OXTR: variants seen among roughly 807,000 people sequenced by gnomAD.
The protein encoded by OXTR is oxytocin receptor.
A neutral mutation model predicts 23.9 loss-of-function variants in OXTR; 19 were observed. The ratio of observed to expected loss-of-function variants is 0.80; its 90% confidence interval spans 0.56 to 1.17. The LOEUF (loss-of-function observed/expected upper bound fraction) is 1.17. Among genes scored for constraint, OXTR ranks in the 50% most tolerant of loss-of-function variants. The pLI, the probability that OXTR is intolerant of heterozygous loss-of-function variation, is 0.00. For synonymous variants in OXTR, 278 were observed against 250.5 expected, an observed-to-expected ratio of 1.11 and a Z score of -1.04; for missense variants, 500 against 550.7, an observed-to-expected ratio of 0.91 and a Z score of 0.92.
chr3:8,742,877 G>C, the OXTR span, among the ~76,000 whole-genome samples: 217 of 152,312 alleles, frequency 1.4e-3, no homozygotes, highest in African/African-American at 5.0e-3. Flanking sequence ...GAATACCTGA[G>C]ACTGGGTAAT....
chr3:8,753,284 C>T lies in OXTR; in HGVS notation c.923-60G>A, dbSNP rs977128947. 3 of 1,569,884 alleles carry T rather than the reference C, an allele frequency of 1.9e-6. No individual in the cohort carries two copies. In the African/African-American group the frequency reaches 4.1e-5, roughly 21 times the overall value. On this transcript the variant is annotated intron_variant, in intron 3 of 3. Transcript: ENST00000316793. ...GCATTAATTAACACTGGAGCCACTT[C>T]CAGACCTATCTGACTTAAACATCAT... is the stretch of plus-strand genomic sequence containing the variant.
chr3:8,757,030 C>A (rs530540119), intron 3 of OXTR, among the ~76,000 whole-genome samples: 1 of 152,302 alleles, frequency 6.6e-6, no homozygotes, highest in African/African-American at 2.4e-5. Flanking sequence ...CACAGAAACA[C>A]TGGCTGAGAG....
the OXTR span, among the ~76,000 whole-genome samples, chr3:8,743,439 C>T: frequency 6.6e-6 from 1 of 152,164 alleles, no homozygotes; most frequent in Non-Finnish European, 1.5e-5. Flanking sequence ...GAAGAAGTAA[C>T]ATCCTTCCTG....
rs201415673 is a variant in OXTR at position 8,753,207 on chromosome 3, C to T, written c.940G>A (p.Val314Ile). 2.2e-5 allele frequency: 35 copies of T among 1,613,776 alleles called. No individual in the cohort carries two copies. Among genetic ancestry groups the T allele is most frequent in the South Asian group, 3.3e-5 (3 of 91,070 alleles). The part of the protein sequence containing the change: ...APKEASAFII[V>I]MLLASLNSCC... ...CTGTTGAGGCTGGCCAGGAGCATGA[C>T]GATGATGAAGGCCGAGGCTGAGGGG... Residue 314 changes from valine to isoleucine, a missense_variant, in exon 4 of 4, where the codon GTC (valine) becomes ATC (isoleucine). By Grantham distance (29) the Val-to-Ile change is conservative. Transcript: ENST00000316793.
downstream of OXTR, chr3:8,745,900 G>C (rs1303315199): frequency 6.3e-7 from 1 of 1,580,964 alleles, no homozygotes; most frequent in Admixed American, 1.7e-5. This position sits in a 1 kb window ranked among gnomAD's most constrained non-coding sequence, Gnocchi z 4.8. Flanking sequence ...GGCAGGGCAG[G>C]GGGTGGTGGG....
the OXTR span, among the ~76,000 whole-genome samples, chr3:8,743,568 T>C: frequency 6.6e-6 from 1 of 152,110 alleles, no homozygotes; most frequent in Admixed American, 6.5e-5. Context: ...ACAAGGAAGG[T>C]CCTGGGAGGT....
downstream of OXTR, chr3:8,745,898 A>C (rs767886513): frequency 1.9e-6 from 3 of 1,556,624 alleles, no homozygotes; most frequent in East Asian, 6.8e-5. The surrounding 1 kb of genome is among the most constrained non-coding windows in gnomAD (Gnocchi z 4.8). Context: ...GTGGCAGGGC[A>C]GGGGGTGGTG....
chr3:8,747,491 G>A (rs1401509067), downstream of OXTR, among the ~76,000 whole-genome samples: 1 of 151,966 alleles, frequency 6.6e-6, no homozygotes, highest in East Asian at 1.9e-4. Flanking sequence ...TCATCTTTAC[G>A]CATGTTTAAA....
Position 8,767,388 on chromosome 3 carries a change from G to C in OXTR, c.800C>G (p.Ser267Cys). ...CTTGACCGTGCGGATCTTGGCCTTG[G>C]AGATGAGCTTGACGCTGCTGACACG... is the stretch of plus-strand genomic sequence containing the variant. ...LARVSSVKLI[S>C]KAKIRTVKMT... The change falls in exon 3 of 4, where the codon TCC (serine) becomes TGC (cysteine). Residue 267 changes from serine (S) to cysteine (C), a missense_variant. By Grantham distance (112) the Ser-to-Cys change is moderately radical (BLOSUM62 -1). Transcript: ENST00000316793. 6.2e-7 allele frequency: 1 copy of C among 1,612,726 alleles called. No individual in the cohort carries two copies. Among genetic ancestry groups the C allele is most frequent in the East Asian group, 2.2e-5 (1 of 44,808 alleles).
chr3:8,742,345 GGCTTCT>G, the OXTR span: 2 of 289,314 alleles, frequency 6.9e-6, no homozygotes, highest in Middle Eastern at 4.9e-4. Flanking sequence ...TAGCACCAAT[GGCTTCT>G]GCAAACACCA....
the OXTR span, among the ~76,000 whole-genome samples, chr3:8,743,426 C>T: frequency 6.6e-6 from 1 of 152,114 alleles, no homozygotes; most frequent in Non-Finnish European, 1.5e-5. Flanking sequence ...GGAAGCCCTC[C>T]AAGAAGAAGT....
Position 8,752,780 on chromosome 3 carries a change from G to C in OXTR, c.*197C>G, listed in dbSNP as rs199516300. 1 of 602,102 alleles carries C rather than the reference G, an allele frequency of 1.7e-6. No homozygotes were observed. The highest frequency in any genetic ancestry group is 1.9e-5 in the African/African-American group (1 of 53,892). 37.3% of individuals were successfully genotyped at this position (602,102 alleles called of 1,614,324 possible). ...GTAGAAGTACGTGTAGGAGGCCAGGGTGTTGTCTGATGGCTGAGTCCCCTA... is the reference window on the plus strand; with the variant it reads ...GTAGAAGTACGTGTAGGAGGCCAGGCTGTTGTCTGATGGCTGAGTCCCCTA... On this transcript the variant is annotated 3_prime_UTR_variant, in exon 4 of 4. Transcript: ENST00000316793.
rs754013039 is a variant in OXTR, at chr3:8,767,330, C to T, written c.858G>A (p.Val286=). The change falls in exon 3 of 4, where the codon GTG becomes GTA. Residue 286 remains valine, a synonymous_variant. Coordinates refer to ENST00000316793, the MANE Select transcript of OXTR (RefSeq NM_000916.4). ...GCACGAAGAAGAAAGGCGTCCAGCA[C>T]ACGATGAAGGCCAGCACGATGATGA... ...MTFIIVLAFI[V]CWTPFFFVQM... The T allele has an allele frequency of 6.2e-7, 1 of 1,607,470 alleles. No homozygotes were observed.
downstream of OXTR, among the ~76,000 whole-genome samples, chr3:8,749,395 G>GA (rs1037667804): frequency 5.3e-5 from 8 of 152,108 alleles, no homozygotes; most frequent in Non-Finnish European, 1.2e-4. Flanking sequence ...CTCCTGGTCA[G>GA]AAAATCTACT....
At chr3:8,766,742 G>GC (rs3831817) in intron 3 of OXTR, among the ~76,000 whole-genome samples, 94,885 of 151,612 alleles carry the variant, frequency 0.63, 30,485 homozygotes, top group African/African-American at 0.76. Flanking sequence ...TGGACAAATT[G>GC]CCACTCCTGC....
intron 3 of OXTR, among the ~76,000 whole-genome samples, chr3:8,766,034 A>G (rs931816087): frequency 6.6e-6 from 1 of 152,242 alleles, no homozygotes; most frequent in Non-Finnish European, 1.5e-5. Context: ...TATTGGGAGC[A>G]GTAGTAACTG....
chr3:8,753,755 CCTGGT>C, intron 3 of OXTR, among the ~76,000 whole-genome samples: 2 of 152,272 alleles, frequency 1.3e-5, no homozygotes, highest in East Asian at 3.9e-4. Context: ...TTAAAGAGTG[CCTGGT>C]ACACAGTGGG....
intron 3 of OXTR, among the ~76,000 whole-genome samples, chr3:8,763,248 C>T (rs1708528427): frequency 1.3e-5 from 2 of 152,198 alleles, no homozygotes; most frequent in Non-Finnish European, 2.9e-5. Flanking sequence ...CCATCTTGTC[C>T]ATCAGGAAGG....
At chr3:8,742,346 G>A in the OXTR span, 7 of 283,534 alleles carry the variant, frequency 2.5e-5, no homozygotes, top group African/African-American at 8.7e-5. Flanking sequence ...AGCACCAATG[G>A]CTTCTGCAAA....
Sources: allele counts gnomAD v4.1 joint callset (sites outside exome capture counted in the v4.1 genomes callset), GRCh38; gene constraint gnomAD v4.1.1; non-coding constraint Gnocchi (gnomAD v3.1); transcripts MANE v1.5; gene names NCBI Gene and HGNC (gene_info 2026-07-23, HGNC 2026-07-21).